Variants in RBM20 observed in about 807,000 individuals in gnomAD.
The protein encoded by RBM20 is RNA binding motif protein 20.
RBM20 carries 51 observed loss-of-function variants against 110.1 expected under a neutral mutation model. The ratio of observed to expected loss-of-function variants is 0.46; its 90% CI spans 0.37 to 0.59. The LOEUF is 0.59. Ranked by LOEUF, RBM20 falls within the 20% of genes least tolerant of loss-of-function variation. RBM20 has a pLI of 0.00. For missense variants in RBM20, 1,512 were observed against 1,574.9 expected, an observed-to-expected ratio of 0.96 and a Z score of 0.68; for synonymous variants, 589 against 618.2, an observed-to-expected ratio of 0.95 and a Z score of 0.70.
intron 1 of RBM20, among the ~76,000 whole-genome samples, chr10:110,673,236 G>A (rs1380869644): frequency 6.6e-6 from 1 of 151,542 alleles, no homozygotes; most frequent in African/African-American, 2.4e-5. Flanking sequence ...TTCTGAGACG[G>A]AGTCTTGTTC....
At chr10:110,696,137 A>G (rs1033703694) in intron 1 of RBM20, among the ~76,000 whole-genome samples, 3 of 152,196 alleles carry the variant, frequency 2.0e-5, no homozygotes, top group African/African-American at 7.2e-5. Context: ...AGCGTGAGCC[A>G]CACTGGGCTA....
At chr10:110,820,292 C>T in intron 10 of RBM20, 116 bp downstream of exon 10, 1 of 660,758 alleles carries the variant, frequency 1.5e-6, no homozygotes, top group Non-Finnish European at 2.6e-6. Flanking sequence ...ACCATTAGTT[C>T]CATGAATGAA....
chr10:110,702,078 C>T (rs748490268), intron 1 of RBM20, among the ~76,000 whole-genome samples: 41 of 152,120 alleles, frequency 2.7e-4, no homozygotes, highest in Non-Finnish European at 8.8e-5. Context: ...TAGGCCTCCT[C>T]ACCTTCCCTC....
At chr10:110,746,651 T>C (rs1482826649) in intron 1 of RBM20, among the ~76,000 whole-genome samples, 2 of 152,182 alleles carry the variant, frequency 1.3e-5, no homozygotes, top group Admixed American at 6.5e-5. Flanking sequence ...CACAGCTGGA[T>C]TGGGAGCAGG....
At chr10:110,704,882 G>A (rs187560397) in intron 1 of RBM20, among the ~76,000 whole-genome samples, 16 of 152,270 alleles carry the variant, frequency 1.1e-4, no homozygotes, top group Non-Finnish European at 1.9e-4. Context: ...ATGGTCTTTT[G>A]TATTTGACAA....
chr10:110,784,644 T>A, intron 4 of RBM20, 148 bp from the exon 5 acceptor site: 1 of 705,828 alleles, frequency 1.4e-6, no homozygotes, highest in Non-Finnish European at 2.5e-6. Flanking sequence ...CTTTGCTGAT[T>A]ATCAGCATGT....
chr10:110,686,625 T>A (rs1185575454), intron 1 of RBM20, among the ~76,000 whole-genome samples: 1 of 150,880 alleles, frequency 6.6e-6, no homozygotes, highest in Non-Finnish European at 1.5e-5. Context: ...ATGCTGTCTC[T>A]AAAAAAAAAT....
chr10:110,762,217 T>TC (rs1844015055), intron 1 of RBM20, among the ~76,000 whole-genome samples: 1 of 152,244 alleles, frequency 6.6e-6, no homozygotes, highest in Non-Finnish European at 1.5e-5. Context: ...GATCTTAATT[T>TC]GTTTTAAGAC....
chr10:110,703,007 T>A (rs145818160), intron 1 of RBM20, among the ~76,000 whole-genome samples: 7 of 151,456 alleles, frequency 4.6e-5, no homozygotes, highest in African/African-American at 1.7e-4. Flanking sequence ...TTTTTTGTTT[T>A]TTTTTTTGGT....
rs1168000057 is a variant in RBM20, at chr10:110,837,319, A to C, written c.*1341A>C. 6.6e-6 allele frequency: 1 copy of C among 152,142 alleles called. No individual in the cohort carries two copies. Among genetic ancestry groups the C allele is most frequent in the Non-Finnish European group, 1.5e-5 (1 of 68,034 alleles). The allele number at this position is 152,142 out of a possible 1,614,324, so 9.4% of individuals were successfully genotyped here. ...GGTCTCTAGCCTGATATTCCATTGA[A>C]AGGGTGTGGGATAAAGGTGCTGGGG... On this transcript the variant is annotated 3_prime_UTR_variant, in exon 14 of 14. Transcript: ENST00000369519.
At chr10:110,685,868 T>G (rs1456720242) in intron 1 of RBM20, among the ~76,000 whole-genome samples, 1 of 152,224 alleles carries the variant, frequency 6.6e-6, no homozygotes, top group Non-Finnish European at 1.5e-5. Context: ...TTTATAATGC[T>G]TTTACATAAT....
intron 1 of RBM20, among the ~76,000 whole-genome samples, chr10:110,683,015 C>A (rs780437211): frequency 1.3e-5 from 2 of 152,046 alleles, no homozygotes; most frequent in Non-Finnish European, 2.9e-5. Flanking sequence ...TCAGATATTT[C>A]TTTTACTTTT....
chr10:110,839,211 G>A lies in RBM20; in HGVS notation c.*3233G>A, dbSNP rs1845172933. 1.3e-5 allele frequency: 2 copies of A among 152,304 alleles called. No homozygotes were observed. The highest frequency in any genetic ancestry group is 2.1e-4 in the South Asian group (1 of 4,828). 9.4% of individuals were successfully genotyped at this position (152,304 alleles called of 1,614,324 possible). On this transcript the variant is annotated 3_prime_UTR_variant, in exon 14 of 14. Coordinates refer to ENST00000369519, the MANE Select transcript of RBM20 (RefSeq NM_001134363.3). ...GTGTGAGCAGCAGCCGTTAGTATCA[G>A]GGTTTCCCATTCTTGGACAGTCCGA...
At chr10:110,819,770 A>G (rs893026277) in intron 9 of RBM20, among the ~76,000 whole-genome samples, 1 of 152,132 alleles carries the variant, frequency 6.6e-6, no homozygotes, top group African/African-American at 2.4e-5. Flanking sequence ...TGCAAAAAAT[A>G]CCCAGTTTGC....
intron 12 of RBM20, among the ~76,000 whole-genome samples, chr10:110,828,692 G>A (rs1845012010): frequency 6.6e-6 from 1 of 152,162 alleles, no homozygotes; most frequent in Non-Finnish European, 1.5e-5. Flanking sequence ...TCACAGATGA[G>A]GAAACTAATC....
At chr10:110,763,158 G>A (rs1387349431) in intron 1 of RBM20, among the ~76,000 whole-genome samples, 1 of 152,164 alleles carries the variant, frequency 6.6e-6, no homozygotes, top group Non-Finnish European at 1.5e-5. Context: ...AAGAGCCTCT[G>A]GTGGGCAGCT....
At position 110,812,631 on chromosome 10, in the gene RBM20, T is replaced by C. The variant is rs1361123068; in HGVS notation, c.2234T>C (p.Leu745Pro). 5 of 1,551,374 alleles carry C rather than the reference T, an allele frequency of 3.2e-6. No individual in the cohort carries two copies. Among genetic ancestry groups the C allele is most frequent in the Non-Finnish European group, 4.4e-6 (5 of 1,146,952 alleles). Reference protein sequence around the residue: ...EKYPRSGSPNLPHSVSSYKSR... With the variant: ...EKYPRSGSPNPPHSVSSYKSR... ...TACCCGAGATCTGGGTCTCCCAACCTGCCCCACTCTGTGTCCAGCTACAAA... is the reference window on the plus strand; with the variant it reads ...TACCCGAGATCTGGGTCTCCCAACCCGCCCCACTCTGTGTCCAGCTACAAA... The change falls in exon 9 of 14, where the codon CTG (leucine) becomes CCG (proline). Residue 745 changes from leucine (L) to proline (P), a missense_variant. Physicochemically the swap from Leu to Pro is moderately conservative, Grantham distance 98. Coordinates refer to ENST00000369519, the MANE Select transcript of RBM20 (RefSeq NM_001134363.3).
At chr10:110,734,603 A>G (rs55776436) in intron 1 of RBM20, among the ~76,000 whole-genome samples, 21,558 of 148,652 alleles carry the variant, frequency 0.15, 2,114 homozygotes, top group East Asian at 0.27. Context: ...CATGGAACCA[A>G]TATAAAAATT....
At chr10:110,727,281 G>A (rs544478573) in intron 1 of RBM20, among the ~76,000 whole-genome samples, 55 of 147,660 alleles carry the variant, frequency 3.7e-4, no homozygotes, top group African/African-American at 1.3e-3. Context: ...TTCAGTTTTT[G>A]GGTTTCTGAT....
Sources: allele counts gnomAD v4.1 joint callset (sites outside exome capture counted in the v4.1 genomes callset), GRCh38; gene constraint gnomAD v4.1.1; transcripts MANE v1.5; gene names NCBI Gene and HGNC (gene_info 2026-07-23, HGNC 2026-07-21).